Variants in HS3ST4 observed in about 807,000 individuals in gnomAD.
HS3ST4 encodes heparan sulfate glucosamine 3-O-sulfotransferase 4.
Under a neutral mutation model 29.2 loss-of-function variants are expected in HS3ST4, and 17 were observed. That is an observed-to-expected ratio of 0.58 (90% CI 0.40 to 0.87). HS3ST4 has a LOEUF of 0.87. HS3ST4 is among the 40% of genes least tolerant of loss of function. The probability of loss-of-function intolerance (pLI) is 0.00; values close to 1 mark genes in which losing one functional copy is unlikely to be tolerated. For synonymous variants in HS3ST4, 314 were observed against 285.7 expected, an observed-to-expected ratio of 1.10 and a Z score of -1.00; for missense variants, 627 against 634.5, an observed-to-expected ratio of 0.99 and a Z score of 0.13.
chr16:25,973,338 T>C (rs910863940), intron 1 of HS3ST4, among the ~76,000 whole-genome samples: 1 of 152,158 alleles, frequency 6.6e-6, no homozygotes, highest in Non-Finnish European at 1.5e-5. Flanking sequence ...TAGGCATAGA[T>C]GTATGACATA....
At chr16:25,947,155 G>A (rs1326401303) in intron 1 of HS3ST4, among the ~76,000 whole-genome samples, 1 of 152,070 alleles carries the variant, frequency 6.6e-6, no homozygotes, top group Admixed American at 6.5e-5. Context: ...AAAATCAAAG[G>A]CATTTCATTT....
chr16:25,928,374 AT>A (rs57863281), intron 1 of HS3ST4, among the ~76,000 whole-genome samples: 30,748 of 151,838 alleles, frequency 0.2, 3,991 homozygotes, highest in African/African-American at 0.34. Flanking sequence ...CTATTAAAAA[AT>A]AAAATAGAAG....
intron 1 of HS3ST4, among the ~76,000 whole-genome samples, chr16:25,801,163 T>C (rs1164844392): frequency 6.6e-6 from 1 of 152,118 alleles, no homozygotes; most frequent in South Asian, 2.1e-4. Flanking sequence ...GGAGGACCAC[T>C]GTTATATACG....
At chr16:26,113,985 C>A (rs973578556) in intron 1 of HS3ST4, among the ~76,000 whole-genome samples, 6 of 152,118 alleles carry the variant, frequency 3.9e-5, no homozygotes, top group Admixed American at 3.3e-4. Context: ...GGAAGCTGTG[C>A]AGAGGAGACC....
chr16:25,707,334 ATATAT>A (rs1966382285), intron 1 of HS3ST4, among the ~76,000 whole-genome samples: 1 of 152,306 alleles, frequency 6.6e-6, no homozygotes, highest in South Asian at 2.1e-4. Context: ...TTTTATTATA[ATATAT>A]TGTTATAATT....
chr16:26,123,716 G>T (rs1019299343), intron 1 of HS3ST4, among the ~76,000 whole-genome samples: 3 of 152,006 alleles, frequency 2.0e-5, no homozygotes, highest in African/African-American at 4.8e-5. Context: ...CATTCTTATG[G>T]CTTTGCACCT....
At chr16:26,042,621 G>C (rs988636415) in intron 1 of HS3ST4, among the ~76,000 whole-genome samples, 2 of 152,158 alleles carry the variant, frequency 1.3e-5, no homozygotes, top group Non-Finnish European at 2.9e-5. Flanking sequence ...CCTCCTAAAA[G>C]CTTTTTAACA....
At chr16:25,742,378 C>G (rs1256690656) in intron 1 of HS3ST4, among the ~76,000 whole-genome samples, 1 of 152,154 alleles carries the variant, frequency 6.6e-6, no homozygotes, top group Non-Finnish European at 1.5e-5. Context: ...TCACTGGACC[C>G]ACTTAGGTCA....
intron 1 of HS3ST4, among the ~76,000 whole-genome samples, chr16:26,096,425 C>A (rs1898926478): frequency 6.6e-6 from 1 of 152,134 alleles, no homozygotes; most frequent in South Asian, 2.1e-4. Flanking sequence ...CCCTGGGATG[C>A]AAGGCTGGTT....
intron 1 of HS3ST4, among the ~76,000 whole-genome samples, chr16:25,908,250 G>A (rs999950758): frequency 5.9e-5 from 9 of 152,172 alleles, no homozygotes; most frequent in Admixed American, 1.3e-4. Flanking sequence ...AGCAGGGAGG[G>A]ATCAAAATCA....
At chr16:25,873,357 TCCACC>T (rs1567261350) in intron 1 of HS3ST4, among the ~76,000 whole-genome samples, 59 of 147,110 alleles carry the variant, frequency 4.0e-4, no homozygotes, top group South Asian at 1.1e-3. Flanking sequence ...TATCCATCCA[TCCACC>T]TAGCAAGCCA....
At chr16:25,952,098 A>G (rs917267711) in intron 1 of HS3ST4, among the ~76,000 whole-genome samples, 6 of 152,194 alleles carry the variant, frequency 3.9e-5, no homozygotes, top group African/African-American at 1.2e-4. Context: ...TTCATGCCCA[A>G]CTGTTTATGT....
intron 1 of HS3ST4, among the ~76,000 whole-genome samples, chr16:25,864,437 T>C (rs941073518): frequency 6.6e-6 from 1 of 152,108 alleles, no homozygotes; most frequent in Non-Finnish European, 1.5e-5. Context: ...AGAAATTATT[T>C]TTGCACCAAC....
Position 25,970,738 on chromosome 16 carries a change from G to A in HS3ST4, c.735-164874G>A, listed in dbSNP as rs147497195. ...CTTGCTTGTTGTCTAGGTTGGTCTC[G>A]AACTCCTGGCCTCAAGTGATCCTCC... On this transcript the variant is annotated intron_variant, in intron 1 of 1. Transcript: ENST00000331351. Among the ~76,000 whole-genome samples, 155 of 151,996 alleles carry A rather than the reference G, an allele frequency of 1.0e-3. No homozygotes were observed. In the Middle Eastern group the frequency reaches 0.014, roughly 13 times the overall value.
chr16:25,886,143 C>T (rs1209927867), intron 1 of HS3ST4, among the ~76,000 whole-genome samples: 5 of 147,700 alleles, frequency 3.4e-5, no homozygotes, highest in African/African-American at 1.0e-4. Context: ...AGCAATTCTC[C>T]TGCCTCAGCC....
At chr16:25,957,333 G>T (rs1596626118) in intron 1 of HS3ST4, among the ~76,000 whole-genome samples, 1 of 152,346 alleles carries the variant, frequency 6.6e-6, no homozygotes, top group Non-Finnish European at 1.5e-5. Context: ...ATTCAGAGCG[G>T]TGAGCACATT....
intron 1 of HS3ST4, among the ~76,000 whole-genome samples, chr16:25,862,535 G>A (rs117350293): frequency 0.043 from 6,513 of 152,248 alleles, 234 homozygotes; most frequent in Non-Finnish European, 0.059. Context: ...GACAGGAGAC[G>A]GAGCCCAGGC....
chr16:25,937,567 A>T (rs760106804), intron 1 of HS3ST4, among the ~76,000 whole-genome samples: 3 of 152,004 alleles, frequency 2.0e-5, no homozygotes, highest in South Asian at 2.1e-4. Flanking sequence ...TGAAACCCCG[A>T]GTGGTGGTGT....
chr16:26,004,177 T>C (rs545121578), intron 1 of HS3ST4, among the ~76,000 whole-genome samples: 7 of 152,330 alleles, frequency 4.6e-5, no homozygotes, highest in Middle Eastern at 3.4e-3. Flanking sequence ...AGGCAGTTGT[T>C]CTTGCCATCC....
Sources: gnomAD v4.1 joint callset for allele counts (sites outside exome capture counted in the v4.1 genomes callset) on GRCh38, gnomAD v4.1.1 for gene constraint, MANE v1.5 for transcripts, NCBI Gene and HGNC (gene_info 2026-07-23, HGNC 2026-07-21) for gene names.